FOSL2: variants seen among roughly 807,000 people sequenced by gnomAD.
FOSL2 encodes the protein FOS like 2, AP-1 transcription factor subunit.
FOSL2 carries 3 observed loss-of-function variants against 27.7 expected under a neutral mutation model. The ratio of observed to expected loss-of-function variants is 0.11; its 90% CI spans 0.05 to 0.28. FOSL2 has a LOEUF of 0.28. FOSL2 is among the 10% of genes least tolerant of loss of function. FOSL2 has a pLI of 1.00. For synonymous variants in FOSL2, 179 were observed against 190.1 expected (o/e 0.94, Z 0.48); for missense variants, 333 against 445.1 (o/e 0.75, Z 2.27).
Position 28,413,375 on chromosome 2 carries a change from G to C in FOSL2, c.*927G>C, listed in dbSNP as rs1008855160. ...ATTCTGCCCCTGGACCCTTCTCTCC[G>C]GACCAGGGAGGCGTCCCTCCCTAGG... is the stretch of plus-strand genomic sequence containing the variant. On this transcript the variant is annotated 3_prime_UTR_variant, in exon 4 of 4. Transcript: ENST00000264716. 1.5e-5 allele frequency: 6 copies of C among 397,520 alleles called. No individual in the cohort carries two copies. The highest frequency in any genetic ancestry group is 8.8e-5 in the Admixed American group (2 of 22,710). The allele number at this position is 397,520 out of a possible 1,614,324, so 24.6% of individuals were successfully genotyped here. A position where few individuals can be genotyped will look rare whatever the true frequency, so the allele number is the denominator to read the frequency against.
chr2:28,406,520 A>G (rs1664087221), intron 2 of FOSL2, among the ~76,000 whole-genome samples: 1 of 152,210 alleles, frequency 6.6e-6, no homozygotes, highest in Admixed American at 6.5e-5. Flanking sequence ...AGAGTCTCAC[A>G]GTGAATTAGT....
In FOSL2 at chr2:28,413,375, G is replaced by T. The variant is rs1008855160; in HGVS notation, c.*927G>T. The T allele has an allele frequency of 2.5e-6, 1 of 397,636 alleles. No individual in the cohort carries two copies. The highest frequency in any genetic ancestry group is 4.4e-5 in the Admixed American group (1 of 22,728). 24.6% of individuals were successfully genotyped at this position (397,636 alleles called of 1,614,324 possible). On this transcript the variant is annotated 3_prime_UTR_variant, in exon 4 of 4. Coordinates refer to ENST00000264716, the MANE Select transcript of FOSL2 (RefSeq NM_005253.4). The stretch of plus-strand genomic sequence containing the variant: ...ATTCTGCCCCTGGACCCTTCTCTCC[G>T]GACCAGGGAGGCGTCCCTCCCTAGG...
At chr2:28,409,262 C>G (rs1453241013) in intron 3 of FOSL2, among the ~76,000 whole-genome samples, 3 of 152,176 alleles carry the variant, frequency 2.0e-5, no homozygotes, top group Non-Finnish European at 4.4e-5. Flanking sequence ...GTTCCAGCCA[C>G]TCCCATGCCT....
chr2:28,410,100 T>G (rs1664160918), intron 3 of FOSL2, among the ~76,000 whole-genome samples: 1 of 152,178 alleles, frequency 6.6e-6, no homozygotes, highest in Non-Finnish European at 1.5e-5. Flanking sequence ...CTTGTCTTTC[T>G]CTGTCCTGCA....
rs939956107 is a variant in FOSL2 at position 28,412,608 on chromosome 2, G to A, written c.*160G>A. ...GGACCCAGGTGGGACTTAGCAGTGA[G>A]TATTGGAAGACTTGGGTTGATCTCT... On this transcript the variant is annotated 3_prime_UTR_variant, in exon 4 of 4. Transcript: ENST00000264716. This position sits in a 1 kb window ranked among gnomAD's most constrained non-coding sequence, Gnocchi z 7.1. 9.8e-6 allele frequency: 7 copies of A among 715,518 alleles called. No individual in the cohort carries two copies. The highest frequency in any genetic ancestry group is 5.8e-5 in the Admixed American group (2 of 34,210). 44.3% of individuals were successfully genotyped at this position (715,518 alleles called of 1,614,324 possible).
At position 28,416,235 on chromosome 2, in the gene FOSL2, G is replaced by A. The variant is rs924210553; in HGVS notation, c.*3787G>A. ...AATCTGGCATCTTCTTATGCTTCTA[G>A]TGTTTTGGCCATACATCAACCAAGG... is the stretch of plus-strand genomic sequence containing the variant. On this transcript the variant is annotated 3_prime_UTR_variant, in exon 4 of 4. Coordinates refer to ENST00000264716, the MANE Select transcript of FOSL2 (RefSeq NM_005253.4). The A allele has an allele frequency of 2.6e-5, 4 of 152,018 alleles. No homozygotes were observed. Among genetic ancestry groups the A allele is most frequent in the African/African-American group, 9.7e-5 (4 of 41,372 alleles). 9.4% of individuals were successfully genotyped at this position (152,018 alleles called of 1,614,324 possible).
Position 28,416,000 on chromosome 2 carries a change from A to G in FOSL2, c.*3552A>G, listed in dbSNP as rs182838926. On this transcript the variant is annotated 3_prime_UTR_variant, in exon 4 of 4. Coordinates refer to ENST00000264716, the MANE Select transcript of FOSL2 (RefSeq NM_005253.4). ...AAGTCCTTAGAGAATTTGGGGACCA[A>G]TAGAATATGTGATGTGTGAATTTTC... 92 of 152,256 alleles carry G rather than the reference A, an allele frequency of 6.0e-4. No individual in the cohort carries two copies. The highest frequency in any genetic ancestry group is 2.2e-3 in the African/African-American group (92 of 41,536). The allele number at this position is 152,256 out of a possible 1,614,324, so 9.4% of individuals were successfully genotyped here. A position where few individuals can be genotyped will look rare whatever the true frequency, so the allele number is the denominator to read the frequency against.
Position 28,393,501 on chromosome 2 carries a change from C to T in FOSL2, c.-220C>T. 4 of 512,950 alleles carry T rather than the reference C, an allele frequency of 7.8e-6. No individual in the cohort carries two copies. The highest frequency in any genetic ancestry group is 1.4e-5 in the Non-Finnish European group (4 of 288,270). The allele number at this position is 512,950 out of a possible 1,614,324, so 31.8% of individuals were successfully genotyped here. The stretch of plus-strand genomic sequence containing the variant: ...AACTGGTCCCGCGGCGCTCGCAGAG[C>T]CGGAAAGAAGTGCTGTAAGGGACGC... On this transcript the variant is annotated 5_prime_UTR_variant, in exon 1 of 4. Transcript: ENST00000264716. The surrounding 1 kb of genome is among the most constrained non-coding windows in gnomAD (Gnocchi z 4.6).
intron 1 of FOSL2, among the ~76,000 whole-genome samples, chr2:28,397,427 G>A (rs1206459838): frequency 6.6e-6 from 1 of 151,968 alleles, no homozygotes; most frequent in East Asian, 1.9e-4. Context: ...TACAGATGTT[G>A]TAGATTAGGA....
At chr2:28,395,537 G>T (rs1458020011) in intron 1 of FOSL2, 1 of 152,244 alleles carries the variant, frequency 6.6e-6, no homozygotes, top group Non-Finnish European at 1.5e-5. Context: ...GCAATTCCCG[G>T]TTTTGGAAGA....
chr2:28,399,616 A>ACGT (rs1663930582), intron 1 of FOSL2, among the ~76,000 whole-genome samples: 2 of 152,130 alleles, frequency 1.3e-5, no homozygotes, highest in Admixed American at 1.3e-4. Context: ...AAGGGTTTGA[A>ACGT]CGTCGGCTCA....
chr2:28,398,348 C>A (rs887535279), intron 1 of FOSL2, among the ~76,000 whole-genome samples: 1 of 152,232 alleles, frequency 6.6e-6, no homozygotes, highest in African/African-American at 2.4e-5. Flanking sequence ...TCTCCTGGCC[C>A]ACCTGGTCTC....
intron 3 of FOSL2, 81 bp from the exon 4 acceptor site, chr2:28,411,849 A>T: frequency 4.0e-6 from 6 of 1,492,798 alleles, no homozygotes; most frequent in Non-Finnish European, 4.7e-6. Context: ...AGTGTCTGAG[A>T]ACATTACTGG....
Position 28,392,888 on chromosome 2 carries a change from G to A in FOSL2, c.-833G>A. ...GACTCATCTCGGGCAGAGCGCTAGG[G>A]CTCCGAGCGAACCAGCGAGCGAGCG... On this transcript the variant is annotated 5_prime_UTR_variant, in exon 1 of 4. Transcript: ENST00000264716. The A allele has an allele frequency of 1.4e-6, 1 of 714,980 alleles. No individual in the cohort carries two copies. Among genetic ancestry groups the A allele is most frequent in the Non-Finnish European group, 2.6e-6 (1 of 383,500 alleles). 44.3% of individuals were successfully genotyped at this position (714,980 alleles called of 1,614,324 possible).
chr2:28,393,972 C>G lies in FOSL2; in HGVS notation c.102+150C>G. 1.6e-6 allele frequency: 1 copy of G among 615,724 alleles called. No individual in the cohort carries two copies. The highest frequency in any genetic ancestry group is 2.8e-6 in the Non-Finnish European group (1 of 352,776). 38.1% of individuals were successfully genotyped at this position (615,724 alleles called of 1,614,324 possible). On this transcript the variant is annotated intron_variant, in intron 1 of 3. Coordinates refer to ENST00000264716, the MANE Select transcript of FOSL2 (RefSeq NM_005253.4). The surrounding 1 kb of genome is among the most constrained non-coding windows in gnomAD (Gnocchi z 4.6). ...GTTCTGGATTTTCGTCCTCCCCTTC[C>G]CCCCCACCCCCTTTTAAACTAGGGG...
chr2:28,400,397 A>G (rs557911686), intron 1 of FOSL2, among the ~76,000 whole-genome samples: 1 of 151,980 alleles, frequency 6.6e-6, no homozygotes, highest in African/African-American at 2.4e-5. Flanking sequence ...TCCTAACTTC[A>G]CCTCTTCTCT....
chr2:28,406,538 C>T (rs1256044107), intron 2 of FOSL2, among the ~76,000 whole-genome samples: 3 of 152,196 alleles, frequency 2.0e-5, no homozygotes, highest in Non-Finnish European at 4.4e-5. Context: ...AGTAGCAGAG[C>T]CAGCACTGGA....
rs1664276234 is a variant in FOSL2 at position 28,414,561 on chromosome 2, G to C, written c.*2113G>C. On this transcript the variant is annotated 3_prime_UTR_variant, in exon 4 of 4. Coordinates refer to ENST00000264716, the MANE Select transcript of FOSL2 (RefSeq NM_005253.4). ...GGCAAAGAAAACTGGGGTGCACTCA[G>C]CTCTCACAGGGGTAATCATCTCAAG... 1 of 152,182 alleles carries C rather than the reference G, an allele frequency of 6.6e-6. No individual in the cohort carries two copies. The highest frequency in any genetic ancestry group is 1.5e-5 in the Non-Finnish European group (1 of 68,034). The allele number at this position is 152,182 out of a possible 1,614,324, so 9.4% of individuals were successfully genotyped here. A position where few individuals can be genotyped will look rare whatever the true frequency, so the allele number is the denominator to read the frequency against.
chr2:28,413,222 A>G lies in FOSL2; in HGVS notation c.*774A>G. On this transcript the variant is annotated 3_prime_UTR_variant, in exon 4 of 4. Transcript: ENST00000264716. ...GGGTGTGAGTGAGACAGTGGGGCAC[A>G]GGTTGGGTTTGCCAAACGCCTAATT... 1 of 337,212 alleles carries G rather than the reference A, an allele frequency of 3.0e-6. No homozygotes were observed. The highest frequency in any genetic ancestry group is 5.3e-6 in the Non-Finnish European group (1 of 187,168). 20.9% of individuals were successfully genotyped at this position (337,212 alleles called of 1,614,324 possible). A position where few individuals can be genotyped will look rare whatever the true frequency, so the allele number is the denominator to read the frequency against.
Sources: gnomAD v4.1 joint callset for allele counts (sites outside exome capture counted in the v4.1 genomes callset) on GRCh38, gnomAD v4.1.1 for gene constraint, Gnocchi (gnomAD v3.1) non-coding constraint, MANE v1.5 for transcripts, NCBI Gene and HGNC (gene_info 2026-07-23, HGNC 2026-07-21) for gene names.